PCDH15: variants seen among roughly 807,000 people sequenced by gnomAD.
PCDH15 encodes the protein protocadherin-15.
Under a neutral mutation model 178.5 loss-of-function variants are expected in PCDH15, and 129 were observed. The ratio of observed to expected loss-of-function variants is 0.72; its 90% CI spans 0.63 to 0.84. PCDH15 has a LOEUF of 0.84. Ranked by LOEUF, PCDH15 falls within the 40% of genes least tolerant of loss-of-function variation. The pLI, the probability that PCDH15 is intolerant of heterozygous loss-of-function variation, is 0.00. For missense variants in PCDH15, 2,230 were observed against 2,099.9 expected, an observed-to-expected ratio of 1.06 and a Z score of -1.21; for synonymous variants, 800 against 732.0, an observed-to-expected ratio of 1.09 and a Z score of -1.50.
chr10:54,897,991 G>T (rs1376048200), intron 2 of PCDH15, among the ~76,000 whole-genome samples: 7 of 152,026 alleles, frequency 4.6e-5, no homozygotes, highest in Non-Finnish European at 1.0e-4. Context: ...ATCTCATGTT[G>T]AGACGTAATC....
intron 2 of PCDH15, among the ~76,000 whole-genome samples, chr10:55,496,329 G>C (rs184606909): frequency 1.0e-3 from 153 of 151,926 alleles, no homozygotes; most frequent in African/African-American, 3.5e-3. Context: ...CACAGACATA[G>C]ACACAGGCCT....
chr10:55,344,357 T>G (rs1844685964), intron 2 of PCDH15, among the ~76,000 whole-genome samples: 1 of 152,172 alleles, frequency 6.6e-6, no homozygotes, highest in African/African-American at 2.4e-5. Flanking sequence ...TTCTAGCTAC[T>G]ATTTTATGAA....
Position 54,933,055 on chromosome 10 carries a change from C to G in PCDH15, c.-79-35555G>C, listed in dbSNP as rs1837821717. Among the ~76,000 whole-genome samples, 3 of 152,116 alleles carry G rather than the reference C, an allele frequency of 2.0e-5. No homozygotes were observed. In the South Asian group the frequency reaches 6.2e-4, roughly 32 times the overall value. ...TAGAAACACAAATAACATTGTATTA[C>G]AATTGTCTACAGTATTCAGTATAGT... On this transcript the variant is annotated intron_variant, in intron 2 of 5. Transcript: ENST00000458638.
At chr10:54,833,156 C>T (rs994576964) in intron 3 of PCDH15, among the ~76,000 whole-genome samples, 2 of 152,058 alleles carry the variant, frequency 1.3e-5, no homozygotes, top group Admixed American at 1.3e-4. Context: ...TATCATTGGT[C>T]ATGTGTTACT....
intron 2 of PCDH15, among the ~76,000 whole-genome samples, chr10:55,601,451 A>G (rs1393695438): frequency 6.6e-6 from 1 of 152,180 alleles, no homozygotes; most frequent in Non-Finnish European, 1.5e-5. Context: ...GGAATAACGT[A>G]AAAGACAGGA....
chr10:55,600,056 C>T (rs1843038254), intron 2 of PCDH15: 2 of 1,013,884 alleles, frequency 2.0e-6, no homozygotes, highest in East Asian at 3.0e-5. Context: ...AATGTATCAT[C>T]CCTGCATTAA....
At chr10:54,829,304 G>T (rs1953183585) in intron 3 of PCDH15, among the ~76,000 whole-genome samples, 1 of 151,946 alleles carries the variant, frequency 6.6e-6, no homozygotes. Context: ...TTCTAAAGCT[G>T]TAATTGCAGA....
intron 8 of PCDH15, among the ~76,000 whole-genome samples, chr10:54,260,093 G>A (rs558088496): frequency 2.0e-5 from 3 of 151,922 alleles, no homozygotes; most frequent in South Asian, 4.1e-4. Context: ...ATGTAATGAC[G>A]GTAATGGTAT....
intron 13 of PCDH15, among the ~76,000 whole-genome samples, chr10:54,167,380 T>C (rs1359197417): frequency 1.3e-5 from 2 of 152,124 alleles, no homozygotes; most frequent in African/African-American, 4.8e-5. Flanking sequence ...TCAATTCCTT[T>C]CATTTTCTGG....
intron 1 of PCDH15, among the ~76,000 whole-genome samples, chr10:54,709,146 T>G (rs1339212773): frequency 6.6e-6 from 1 of 152,264 alleles, no homozygotes; most frequent in African/African-American, 2.4e-5. Flanking sequence ...AATTCATTAC[T>G]ATATGGAACT....
chr10:54,237,017 T>C (rs1223672003), intron 8 of PCDH15, 86 bp from the exon 9 acceptor site: 5 of 1,123,612 alleles, frequency 4.4e-6, no homozygotes, highest in Non-Finnish European at 1.4e-6. Context: ...TTTGGAAATC[T>C]ATATAACGTC....
chr10:55,367,672 G>T (rs1227928216), intron 2 of PCDH15, among the ~76,000 whole-genome samples: 1 of 152,064 alleles, frequency 6.6e-6, no homozygotes, highest in Non-Finnish European at 1.5e-5. Flanking sequence ...TGAGCAGAAG[G>T]CTTTCATAGG....
chr10:55,255,324 T>G (rs1426775962), intron 1 of PCDH15, among the ~76,000 whole-genome samples: 1 of 152,258 alleles, frequency 6.6e-6, no homozygotes, highest in Non-Finnish European at 1.5e-5. Context: ...GGTGTGTATG[T>G]GCCACATTTT....
chr10:55,088,764 C>T (rs996602200), intron 2 of PCDH15, among the ~76,000 whole-genome samples: 1 of 151,762 alleles, frequency 6.6e-6, no homozygotes, highest in Admixed American at 6.6e-5. Flanking sequence ...TATAAACACA[C>T]AATTTAAAGA....
chr10:54,432,402 T>C (rs1233844456), intron 3 of PCDH15, among the ~76,000 whole-genome samples: 14 of 152,092 alleles, frequency 9.2e-5, no homozygotes, highest in Admixed American at 8.5e-4. Flanking sequence ...TGAAGCAGAA[T>C]AGAGAACCCA....
chr10:55,279,421 T>G (rs1201923751), intron 1 of PCDH15, among the ~76,000 whole-genome samples: 1 of 152,186 alleles, frequency 6.6e-6, no homozygotes, highest in African/African-American at 2.4e-5. Flanking sequence ...AAATATTAGA[T>G]TTCCTTTGAA....
intron 26 of PCDH15, among the ~76,000 whole-genome samples, chr10:53,895,592 T>C (rs2081895847): frequency 6.6e-6 from 1 of 152,216 alleles, no homozygotes; most frequent in South Asian, 2.1e-4. Context: ...CTGGAAAATA[T>C]CTTCATAATT....
chr10:54,654,740 A>G lies in PCDH15; in HGVS notation c.91+9432T>C, dbSNP rs889071770. 3.9e-5 allele frequency among the ~76,000 whole-genome samples: 6 copies of G among 152,230 alleles called. No homozygotes were observed. In the East Asian group the frequency reaches 7.7e-4, roughly 20 times the overall value. Reference sequence around the variant, plus strand: ...TCGATTTCTATGAAGAACATTTAAAATGAGTTCTGCTTTTTCATACAATTA... The same window carrying G: ...TCGATTTCTATGAAGAACATTTAAAGTGAGTTCTGCTTTTTCATACAATTA... On this transcript the variant is annotated intron_variant, in intron 2 of 37. Coordinates refer to ENST00000644397, the MANE Select transcript of PCDH15 (RefSeq NM_001384140.1).
chr10:54,158,881 G>A (rs2045429522), intron 13 of PCDH15, among the ~76,000 whole-genome samples: 2 of 152,246 alleles, frequency 1.3e-5, no homozygotes, highest in South Asian at 2.1e-4. Context: ...GCTGAGGTGG[G>A]CAGATCACGA....
Sources: allele counts gnomAD v4.1 joint callset (sites outside exome capture counted in the v4.1 genomes callset), GRCh38; gene constraint gnomAD v4.1.1; transcripts MANE v1.5; gene names NCBI Gene and HGNC (gene_info 2026-07-23, HGNC 2026-07-21).